TOR1AIP2: variants seen among roughly 807,000 people sequenced by gnomAD.
TOR1AIP2 encodes the protein torsin 1A interacting protein 2, also known as torsin-1A-interacting protein 2.
TOR1AIP2 carries 20 observed loss-of-function variants against 32.6 expected under a neutral mutation model. The ratio of observed to expected loss-of-function variants is 0.61; its 90% CI spans 0.43 to 0.89. The LOEUF (loss-of-function observed/expected upper bound fraction) is 0.89. Ranked by LOEUF, TOR1AIP2 falls within the 40% of genes least tolerant of loss-of-function variation. The pLI, the probability that TOR1AIP2 is intolerant of heterozygous loss-of-function variation, is 0.00. For missense variants in TOR1AIP2, 456 were observed against 553.8 expected (o/e 0.82, Z 1.77); for synonymous variants, 214 against 210.8 (o/e 1.02, Z -0.13).
At chr1:179,855,127 TA>T (rs1696251645) in intron 3 of TOR1AIP2, among the ~76,000 whole-genome samples, 1 of 152,182 alleles carries the variant, frequency 6.6e-6, no homozygotes, top group African/African-American at 2.4e-5. Context: ...GACCTAAATG[TA>T]AACAGCAAAA....
intron 3 of TOR1AIP2, among the ~76,000 whole-genome samples, chr1:179,853,485 T>C (rs1378001319): frequency 2.0e-5 from 3 of 152,126 alleles, no homozygotes; most frequent in Non-Finnish European, 4.4e-5. Context: ...AGTCATATTT[T>C]ATAGTTCTTT....
rs767971966 is a variant in TOR1AIP2, at chr1:179,847,521, A to C, written c.655+14T>G. On this transcript the variant is annotated intron_variant, in intron 6 of 6. Transcript: ENST00000609928. ...AGTGAATCAACACTGCAGTAAAACC[A>C]GGTTTGTTCTCACCATAGCTCCAAA... The C allele has an allele frequency of 6.4e-7, 1 of 1,574,282 alleles. No homozygotes were observed. Among genetic ancestry groups the C allele is most frequent in the Non-Finnish European group, 8.7e-7 (1 of 1,143,604 alleles).
intron 6 of TOR1AIP2, 108 bp from the exon 7 acceptor site, chr1:179,846,936 G>T: frequency 8.3e-7 from 1 of 1,205,418 alleles, no homozygotes; most frequent in Non-Finnish European, 1.1e-6. Context: ...TTTACTAGGA[G>T]CAATAAGTTT....
chr1:179,846,977 C>T lies in TOR1AIP2; in HGVS notation c.656-149G>A, dbSNP rs975755168. On this transcript the variant is annotated intron_variant, in intron 6 of 6. Coordinates refer to ENST00000609928, the MANE Select transcript of TOR1AIP2 (RefSeq NM_001199260.2). The stretch of plus-strand genomic sequence containing the variant: ...GCATAAATTGTTTAAACTTTCAATC[C>T]ACCAGAAGTACCTTTTCTCTAATCT... 4.0e-6 allele frequency: 3 copies of T among 751,544 alleles called. No individual in the cohort carries two copies. The African/African-American group carries it at 5.3e-5, about 13-fold the overall frequency. 46.6% of individuals were successfully genotyped at this position (751,544 alleles called of 1,614,324 possible).
intron 3 of TOR1AIP2, chr1:179,865,016 G>A (rs746141894): frequency 1.2e-6 from 2 of 1,614,012 alleles, no homozygotes; most frequent in Admixed American, 3.3e-5. Context: ...AGGATTATCA[G>A]GATAACACTC....
chr1:179,876,256 TATACAAG>T (rs1647298186), intron 2 of TOR1AIP2: 1 of 152,196 alleles, frequency 6.6e-6, no homozygotes, highest in African/African-American at 2.4e-5. Flanking sequence ...AAATAAGTTA[TATACAAG>T]ATACAATACA....
chr1:179,845,286 A>T lies in TOR1AIP2; in HGVS notation c.*785T>A, dbSNP rs986255294. ...TAAAAGCAGAACTGCTCTGATACAA[A>T]GGGGAAGGGTGCCAGTAGACACAGT... On this transcript the variant is annotated 3_prime_UTR_variant, in exon 7 of 7. Transcript: ENST00000609928. 2.0e-5 allele frequency: 3 copies of T among 152,232 alleles called. No homozygotes were observed. The highest frequency in any genetic ancestry group is 4.4e-5 in the Non-Finnish European group (3 of 68,034). 9.4% of individuals were successfully genotyped at this position (152,232 alleles called of 1,614,324 possible).
At position 179,846,368 on chromosome 1, in the gene TOR1AIP2, G is replaced by C. The variant is rs116215968; in HGVS notation, c.1116C>G (p.Ala372=). The C allele has an allele frequency of 2.1e-3, 3,448 of 1,614,134 alleles. 53 individuals are homozygous for C. In the African/African-American group the frequency reaches 0.033, roughly 15 times the overall value. The change falls in exon 7 of 7, where the codon GCC becomes GCG. Residue 372 remains alanine (A), a synonymous_variant. Transcript: ENST00000609928. ...AVVHHFESFP[A]GSTLIFYKYC... The stretch of plus-strand genomic sequence containing the variant: ...ACTTATAGAAGATCAAAGTGGAGCC[G>C]GCAGGGAAGGATTCGAAGTGGTGTA...
At chr1:179,848,299 T>A (rs1695992623) in intron 5 of TOR1AIP2, among the ~76,000 whole-genome samples, 2 of 152,166 alleles carry the variant, frequency 1.3e-5, no homozygotes, top group Admixed American at 1.3e-4. Context: ...AAGATTCAAC[T>A]TCACAGGGTA....
rs989743827 is a variant in TOR1AIP2 at position 179,841,605 on chromosome 1, G to C, written c.*4466C>G. On this transcript the variant is annotated 3_prime_UTR_variant, in exon 7 of 7. Coordinates refer to ENST00000609928, the MANE Select transcript of TOR1AIP2 (RefSeq NM_001199260.2). The stretch of plus-strand genomic sequence containing the variant: ...CACCATAGCTTGGGTGACAGAGTGA[G>C]ACCCTGTCTTTAAAACAAAAAGAAA... 5 of 152,288 alleles carry C rather than the reference G, an allele frequency of 3.3e-5. No individual in the cohort carries two copies. The South Asian group carries it at 1.0e-3, about 32-fold the overall frequency. 9.4% of individuals were successfully genotyped at this position (152,288 alleles called of 1,614,324 possible).
At position 179,840,821 on chromosome 1, in the gene TOR1AIP2, C is replaced by T. The variant is rs2148414638; in HGVS notation, c.*5250G>A. Reference sequence around the variant, plus strand: ...TGACGGGTTGATGGGTGCAGCAAACCACCATGGCACGTGTATACCTATGTT... The same window carrying T: ...TGACGGGTTGATGGGTGCAGCAAACTACCATGGCACGTGTATACCTATGTT... On this transcript the variant is annotated 3_prime_UTR_variant, in exon 7 of 7. Transcript: ENST00000609928. 6.6e-6 allele frequency: 1 copy of T among 151,686 alleles called. No individual in the cohort carries two copies. The highest frequency in any genetic ancestry group is 2.1e-4 in the South Asian group (1 of 4,798). 9.4% of individuals were successfully genotyped at this position (151,686 alleles called of 1,614,324 possible).
intron 4 of TOR1AIP2, among the ~76,000 whole-genome samples, chr1:179,851,981 T>C (rs1298326287): frequency 6.6e-6 from 1 of 152,184 alleles, no homozygotes; most frequent in Non-Finnish European, 1.5e-5. Context: ...ACTTTGTTTC[T>C]TTAATAAAAG....
chr1:179,859,828 T>C, intron 3 of TOR1AIP2: 1 of 985,248 alleles, frequency 1.0e-6, no homozygotes, highest in Non-Finnish European at 1.2e-6. Flanking sequence ...TTTAAGAAGT[T>C]TTTTGTTTTT....
At chr1:179,862,654 C>A in intron 3 of TOR1AIP2, 2 of 985,402 alleles carry the variant, frequency 2.0e-6, no homozygotes, top group Non-Finnish European at 1.2e-6. Flanking sequence ...CCTGGTCAGG[C>A]ACGGTGGCTA....
chr1:179,849,648 C>A (rs1696043654), intron 5 of TOR1AIP2, among the ~76,000 whole-genome samples: 2 of 151,626 alleles, frequency 1.3e-5, no homozygotes, highest in South Asian at 2.1e-4. Flanking sequence ...TGGCTATTCA[C>A]AGGGGTGATC....
Position 179,865,641 on chromosome 1 carries a change from T to G in TOR1AIP2, c.-352A>C, listed in dbSNP as rs1696738272. On this transcript the variant is annotated 5_prime_UTR_variant, in exon 3 of 7. Transcript: ENST00000609928. ...GAGCTGACAGGTCCAATGGGTCTTT[T>G]GTTGGCGCTGGCACTCTTGCCGTTG... 6.4e-6 allele frequency: 1 copy of G among 155,866 alleles called. No individual in the cohort carries two copies. Among genetic ancestry groups the G allele is most frequent in the African/African-American group, 2.4e-5 (1 of 41,518 alleles). The allele number at this position is 155,866 out of a possible 1,614,324, so 9.7% of individuals were successfully genotyped here.
chr1:179,860,688 G>C (rs1696489702), intron 3 of TOR1AIP2: 2 of 984,062 alleles, frequency 2.0e-6, no homozygotes, highest in Admixed American at 6.1e-5. Flanking sequence ...TAGATACAGA[G>C]AGGTTAAAAT....
intron 4 of TOR1AIP2, among the ~76,000 whole-genome samples, chr1:179,851,815 AG>A (rs1201182937): frequency 1.8e-4 from 28 of 152,352 alleles, no homozygotes; most frequent in African/African-American, 5.1e-4. Context: ...GAAGTACTCT[AG>A]ACCACTTGGG....
rs1198200884 is a variant in TOR1AIP2 at position 179,846,668 on chromosome 1, G to A, written c.816C>T (p.Phe272=). The A allele has an allele frequency of 3.7e-6, 6 of 1,614,052 alleles. No homozygotes were observed. The East Asian group carries it at 1.3e-4, about 36-fold the overall frequency. ...GAAACTTCCGTCCTCTCTGCCACAG[G>A]AAGGAACTCTGGCCTGGAAATTTAT... ...LEDKFPGQSS[F]LWQRGRKFLQ... is the part of the protein sequence containing the mutation. Residue 272 remains phenylalanine (F), a synonymous_variant, in exon 7 of 7, where the codon TTC becomes TTT. Transcript: ENST00000609928.
Sources: gnomAD v4.1 joint callset for allele counts (sites outside exome capture counted in the v4.1 genomes callset) on GRCh38, gnomAD v4.1.1 for gene constraint, MANE v1.5 for transcripts, NCBI Gene and HGNC (gene_info 2026-07-23, HGNC 2026-07-21) for gene names.